CDC42SE1: variants seen among roughly 807,000 people sequenced by gnomAD.
The protein encoded by CDC42SE1 is CDC42 small effector protein 1.
A neutral mutation model predicts 10.9 loss-of-function variants in CDC42SE1; 10 were observed. The ratio of observed to expected loss-of-function variants is 0.92; its 90% CI spans 0.57 to 1.56. CDC42SE1 has a LOEUF of 1.56. Among genes scored for constraint, CDC42SE1 ranks in the 40% most tolerant of loss-of-function variants. The pLI is 0.00. For missense variants in CDC42SE1, 81 were observed against 100.8 expected, an observed-to-expected ratio of 0.80 and a Z score of 0.84; for synonymous variants, 24 against 32.0, an observed-to-expected ratio of 0.75 and a Z score of 0.85.
intron 2 of CDC42SE1, chr1:151,055,448 C>G (rs1676260970): frequency 3.3e-6 from 2 of 603,664 alleles, no homozygotes; most frequent in African/African-American, 3.7e-5. Flanking sequence ...CAAACCCCAC[C>G]CAGCTCAGAA....
intron 3 of CDC42SE1, 48 bp downstream of exon 3, chr1:151,054,968 G>A (rs374855167): frequency 1.2e-4 from 157 of 1,319,982 alleles, no homozygotes; most frequent in Non-Finnish European, 1.1e-4. Flanking sequence ...AAGAGGGAAC[G>A]GTTATAGACC....
Position 151,051,973 on chromosome 1 carries a change from T to G in CDC42SE1, c.*1371A>C, listed in dbSNP as rs1676191231. On this transcript the variant is annotated 3_prime_UTR_variant, in exon 5 of 5. Transcript: ENST00000357235. ...CACAAGCAAAACACTGAATAAAGAA[T>G]TGTTTGGAGATTATGTGCAGCCCTA... The G allele has an allele frequency of 1.3e-5, 2 of 152,374 alleles. No homozygotes were observed. Among genetic ancestry groups the G allele is most frequent in the South Asian group, 4.1e-4 (2 of 4,834 alleles). The allele number at this position is 152,374 out of a possible 1,614,324, so 9.4% of individuals were successfully genotyped here. A position where few individuals can be genotyped will look rare whatever the true frequency, so the allele number is the denominator to read the frequency against.
rs1473104647 is a variant in CDC42SE1 at position 151,052,047 on chromosome 1, A to C, written c.*1297T>G. The stretch of plus-strand genomic sequence containing the variant: ...CTAGTTGATCCATGGCTCGGGCTTA[A>C]GATGAGTAAGATGATGAGGGTAGCG... On this transcript the variant is annotated 3_prime_UTR_variant, in exon 5 of 5. Transcript: ENST00000357235. 1 of 152,192 alleles carries C rather than the reference A, an allele frequency of 6.6e-6. No homozygotes were observed. The highest frequency in any genetic ancestry group is 1.5e-5 in the Non-Finnish European group (1 of 68,034). 9.4% of individuals were successfully genotyped at this position (152,192 alleles called of 1,614,324 possible). A position where few individuals can be genotyped will look rare whatever the true frequency, so the allele number is the denominator to read the frequency against.
At chr1:151,055,387 T>C in intron 2 of CDC42SE1, 2 of 595,576 alleles carry the variant, frequency 3.4e-6, no homozygotes, top group Non-Finnish European at 6.0e-6. Context: ...AAGTCACCTC[T>C]GACTGATGAT....
rs1676183102 is a variant in CDC42SE1 at position 151,051,568 on chromosome 1, C to T, written c.*1776G>A. 6.6e-6 allele frequency: 1 copy of T among 152,510 alleles called. No homozygotes were observed. The highest frequency in any genetic ancestry group is 2.4e-5 in the African/African-American group (1 of 41,380). The allele number at this position is 152,510 out of a possible 1,614,324, so 9.4% of individuals were successfully genotyped here. A position where few individuals can be genotyped will look rare whatever the true frequency, so the allele number is the denominator to read the frequency against. ...GCTAATGAGACCCCACCCTTCTTGT[C>T]TCAGAGCAGGCAGGAGCTCATCTGT... On this transcript the variant is annotated 3_prime_UTR_variant, in exon 5 of 5. Transcript: ENST00000357235.
chr1:151,054,504 G>C (rs1220313882), intron 3 of CDC42SE1, among the ~76,000 whole-genome samples, 183 bp from the exon 4 acceptor site: 1 of 152,114 alleles, frequency 6.6e-6, no homozygotes, highest in Non-Finnish European at 1.5e-5. Flanking sequence ...ATGAGGATGA[G>C]GTAAAATGGG....
In CDC42SE1 at chr1:151,051,656, A is replaced by C. The variant is rs1290911505; in HGVS notation, c.*1688T>G. The stretch of plus-strand genomic sequence containing the variant: ...ACGAAGAACACCTGAGAATACTGAA[A>C]GTGCCTAAAAACCCCTGCTCCTACG... On this transcript the variant is annotated 3_prime_UTR_variant, in exon 5 of 5. Coordinates refer to ENST00000357235, the MANE Select transcript of CDC42SE1 (RefSeq NM_020239.4). The C allele has an allele frequency of 6.6e-6, 1 of 152,614 alleles. No individual in the cohort carries two copies. The highest frequency in any genetic ancestry group is 1.5e-5 in the Non-Finnish European group (1 of 68,048). The allele number at this position is 152,614 out of a possible 1,614,324, so 9.5% of individuals were successfully genotyped here. A position where few individuals can be genotyped will look rare whatever the true frequency, so the allele number is the denominator to read the frequency against.
intron 4 of CDC42SE1, among the ~76,000 whole-genome samples, chr1:151,053,757 T>G (rs1313499896): frequency 2.0e-5 from 3 of 151,142 alleles, no homozygotes; most frequent in Admixed American, 1.3e-4. Context: ...GCTGGGATTA[T>G]AGGCGTTAGC....
chr1:151,053,940 A>G (rs1571851304), intron 4 of CDC42SE1, among the ~76,000 whole-genome samples: 1 of 151,776 alleles, frequency 6.6e-6, no homozygotes, highest in South Asian at 2.1e-4. Flanking sequence ...AGTGATTCTC[A>G]TGCCTCAGCC....
At chr1:151,054,032 C>T (rs1405696640) in intron 4 of CDC42SE1, among the ~76,000 whole-genome samples, 199 bp downstream of exon 4, 2 of 148,698 alleles carry the variant, frequency 1.3e-5, no homozygotes, top group East Asian at 2.1e-4. Context: ...GGTTTTGCCT[C>T]GTTGGCCAGG....
Position 151,051,918 on chromosome 1 carries a change from G to C in CDC42SE1, c.*1426C>G, listed in dbSNP as rs1676189963. On this transcript the variant is annotated 3_prime_UTR_variant, in exon 5 of 5. Transcript: ENST00000357235. Reference sequence around the variant, plus strand: ...TCTCCAGAGGGCAAGAATGGAGGAGGGGGACCTGTCCATCATAGCAACATG... The same window carrying C: ...TCTCCAGAGGGCAAGAATGGAGGAGCGGGACCTGTCCATCATAGCAACATG... The C allele has an allele frequency of 6.6e-6, 1 of 152,546 alleles. No individual in the cohort carries two copies. Among genetic ancestry groups the C allele is most frequent in the African/African-American group, 2.4e-5 (1 of 41,394 alleles). The allele number at this position is 152,546 out of a possible 1,614,324, so 9.4% of individuals were successfully genotyped here.
At position 151,057,696 on chromosome 1, in the gene CDC42SE1, A is replaced by AACACACACAC. The variant is rs57815937; in HGVS notation, c.-263-1713_-263-1704dup. On this transcript the variant is annotated intron_variant, in intron 1 of 4. Transcript: ENST00000357235. The surrounding 1 kb of genome is among the most constrained non-coding windows in gnomAD (Gnocchi z 4.0). ...GGACAAGACCCTGTCTCAAATACAA[A>AACACACACAC]ACACACACACACACACACACACACA... The AACACACACAC allele has an allele frequency of 3.6e-5, 5 of 138,450 alleles. No homozygotes were observed. The highest frequency in any genetic ancestry group is 2.2e-4 in the South Asian group (1 of 4,468). 8.6% of individuals were successfully genotyped at this position (138,450 alleles called of 1,614,324 possible). A position where few individuals can be genotyped will look rare whatever the true frequency, so the allele number is the denominator to read the frequency against.
At chr1:151,055,581 G>A in intron 2 of CDC42SE1, 96 bp downstream of exon 2, 1 of 1,024,066 alleles carries the variant, frequency 9.8e-7, no homozygotes, top group Non-Finnish European at 1.5e-6. Context: ...CAAGAAGTGT[G>A]CTTTTTTAGA....
rs376058972 is a variant in CDC42SE1, at chr1:151,055,658, G to A, written c.54+19C>T. ...AACTGACTGCTCTTTGGGTTAGGAT[G>A]GGGGGTGGGGAGACTCACCGGCTGG... is the stretch of plus-strand genomic sequence containing the variant. On this transcript the variant is annotated intron_variant, in intron 2 of 4. Coordinates refer to ENST00000357235, the MANE Select transcript of CDC42SE1 (RefSeq NM_020239.4). 1.7e-5 allele frequency: 27 copies of A among 1,600,916 alleles called. No individual in the cohort carries two copies. In the African/African-American group the frequency reaches 2.3e-4, roughly 14 times the overall value.
chr1:151,053,966 ACTACAGGAG>A (rs2102975003), intron 4 of CDC42SE1, among the ~76,000 whole-genome samples: 1 of 152,058 alleles, frequency 6.6e-6, no homozygotes, highest in East Asian at 1.9e-4. Flanking sequence ...GGTAGATGGG[ACTACAGGAG>A]CACGCCACTG....
In CDC42SE1 at chr1:151,051,093, T is replaced by C. The variant is rs1476422728; in HGVS notation, c.*2251A>G. On this transcript the variant is annotated 3_prime_UTR_variant, in exon 5 of 5. Transcript: ENST00000357235. ...CATCACTTTATTAGTGATGGTAGCA[T>C]ACATATTAGAGAAGGTAGCTAAAGG... is the stretch of plus-strand genomic sequence containing the variant. 1.3e-5 allele frequency: 2 copies of C among 152,076 alleles called. No homozygotes were observed. Among genetic ancestry groups the C allele is most frequent in the Non-Finnish European group, 2.9e-5 (2 of 68,024 alleles). The allele number at this position is 152,076 out of a possible 1,614,324, so 9.4% of individuals were successfully genotyped here. A position where few individuals can be genotyped will look rare whatever the true frequency, so the allele number is the denominator to read the frequency against.
chr1:151,052,255 T>C lies in CDC42SE1; in HGVS notation c.*1089A>G, dbSNP rs1436388319. On this transcript the variant is annotated 3_prime_UTR_variant, in exon 5 of 5. Coordinates refer to ENST00000357235, the MANE Select transcript of CDC42SE1 (RefSeq NM_020239.4). ...TAATGCACAAAATAGGAAACAGGTTTTCCTTACAAAGAACACTTCAGCCCA... is the reference window on the plus strand; with the variant it reads ...TAATGCACAAAATAGGAAACAGGTTCTCCTTACAAAGAACACTTCAGCCCA... 6.6e-6 allele frequency: 1 copy of C among 152,274 alleles called. No homozygotes were observed. The highest frequency in any genetic ancestry group is 2.4e-5 in the African/African-American group (1 of 41,432). The allele number at this position is 152,274 out of a possible 1,614,324, so 9.4% of individuals were successfully genotyped here.
At chr1:151,058,770 C>T (rs1456365848) in intron 1 of CDC42SE1, 2 of 152,544 alleles carry the variant, frequency 1.3e-5, no homozygotes, top group East Asian at 1.9e-4. Flanking sequence ...GATGTACAGG[C>T]TAGTTCTCTG....
Position 151,055,707 on chromosome 1 carries a change from C to T in CDC42SE1, c.24G>A (p.Leu8=), listed in dbSNP as rs759810965. MSEFWHK[L]GCCVVEKPQP... ...GGGGTTTCTCTACCACACAGCAGCC[C>T]AGTTTGTGCCAAAATTCACTCATGT... Residue 8 remains leucine (L), a synonymous_variant, in exon 2 of 5, where the codon CTG becomes CTA. Transcript: ENST00000357235. 6.2e-7 allele frequency: 1 copy of T among 1,613,558 alleles called. No homozygotes were observed. The highest frequency in any genetic ancestry group is 2.2e-5 in the East Asian group (1 of 44,854).
Sources: gnomAD v4.1 joint callset for allele counts (sites outside exome capture counted in the v4.1 genomes callset) on GRCh38, gnomAD v4.1.1 for gene constraint, Gnocchi (gnomAD v3.1) non-coding constraint, MANE v1.5 for transcripts, NCBI Gene and HGNC (gene_info 2026-07-23, HGNC 2026-07-21) for gene names.